Variants in ZBTB7C observed in about 807,000 individuals in gnomAD.
The protein encoded by ZBTB7C is zinc finger and BTB domain-containing protein 7C.
ZBTB7C carries 8 observed loss-of-function variants against 25.7 expected under a neutral mutation model. The observed-to-expected ratio is 0.31, with a 90% CI of 0.18 to 0.56. ZBTB7C has a LOEUF of 0.56. ZBTB7C is among the 20% of genes least tolerant of loss of function. ZBTB7C has a pLI of 0.91. For synonymous variants in ZBTB7C, 394 were observed against 369.0 expected (o/e 1.07, Z -0.78); for missense variants, 824 against 855.2 (o/e 0.96, Z 0.46).
intron 2 of ZBTB7C, among the ~76,000 whole-genome samples, chr18:48,311,252 G>A (rs992131861): frequency 3.9e-5 from 6 of 152,094 alleles, no homozygotes; most frequent in African/African-American, 1.4e-4. Context: ...GCTGCTTGAG[G>A]GCACATGACT....
intron 2 of ZBTB7C, among the ~76,000 whole-genome samples, chr18:48,235,314 C>T (rs2043351396): frequency 2.0e-5 from 3 of 152,068 alleles, no homozygotes; most frequent in African/African-American, 7.2e-5. Flanking sequence ...TTACACACTC[C>T]ATTTCTACGT....
chr18:48,268,958 C>CTTTTTTTT (rs140699441), intron 2 of ZBTB7C, among the ~76,000 whole-genome samples: 10 of 118,998 alleles, frequency 8.4e-5, no homozygotes, highest in Non-Finnish European at 1.2e-4. Context: ...TGCTCTGTTT[C>CTTTTTTTT]TTTTTTTTTT....
chr18:48,079,859 A>G (rs2037915102), intron 3 of ZBTB7C, among the ~76,000 whole-genome samples: 1 of 152,084 alleles, frequency 6.6e-6, no homozygotes. Context: ...TTCCAGGGGG[A>G]CCGAGCACTG....
chr18:48,081,644 C>T (rs1321911467), intron 3 of ZBTB7C, among the ~76,000 whole-genome samples: 1 of 151,952 alleles, frequency 6.6e-6, no homozygotes, highest in Non-Finnish European at 1.5e-5. Context: ...TCCTTCAGTT[C>T]CCAATCCTCA....
intron 3 of ZBTB7C, among the ~76,000 whole-genome samples, chr18:48,127,660 C>T (rs1457398851): frequency 6.6e-6 from 1 of 152,244 alleles, no homozygotes; most frequent in African/African-American, 2.4e-5. Context: ...ACGTGAGGCT[C>T]ACTCGACCTT....
chr18:48,332,402 C>T (rs1003965346), intron 2 of ZBTB7C, among the ~76,000 whole-genome samples: 2 of 152,184 alleles, frequency 1.3e-5, no homozygotes, highest in Non-Finnish European at 2.9e-5. Flanking sequence ...TCCTCCCTTT[C>T]ACATGGCAGC....
At chr18:48,137,328 A>G (rs754347592) in intron 3 of ZBTB7C, 182 of 985,464 alleles carry the variant, frequency 1.8e-4, no homozygotes, top group Admixed American at 1.2e-3. Flanking sequence ...TGGAAAAGGT[A>G]AAGCAGAAAT....
chr18:48,366,521 T>A (rs1029719593), intron 1 of ZBTB7C, among the ~76,000 whole-genome samples: 1 of 152,216 alleles, frequency 6.6e-6, no homozygotes, highest in Non-Finnish European at 1.5e-5. Flanking sequence ...AAAAAATATT[T>A]GCAACATACA....
chr18:48,100,737 G>T (rs556868579), intron 3 of ZBTB7C, among the ~76,000 whole-genome samples: 2 of 152,288 alleles, frequency 1.3e-5, no homozygotes, highest in South Asian at 4.1e-4. Context: ...CTTGTCACAG[G>T]GTTTGGTAAT....
intron 2 of ZBTB7C, among the ~76,000 whole-genome samples, chr18:48,246,867 C>G (rs1436763705): frequency 1.3e-5 from 2 of 152,136 alleles, no homozygotes; most frequent in Non-Finnish European, 2.9e-5. Flanking sequence ...GGACCACAGT[C>G]AGGGCAGGAC....
At chr18:48,212,792 G>C (rs768226931) in intron 2 of ZBTB7C, among the ~76,000 whole-genome samples, 3 of 152,136 alleles carry the variant, frequency 2.0e-5, no homozygotes, top group Admixed American at 6.5e-5. Flanking sequence ...GCCAGACAAG[G>C]GGGGATTGGG....
chr18:48,232,412 G>T (rs1245989936), intron 2 of ZBTB7C, among the ~76,000 whole-genome samples: 1 of 152,104 alleles, frequency 6.6e-6, no homozygotes, highest in East Asian at 1.9e-4. Flanking sequence ...GTCATACTTT[G>T]TTATGGCAGC....
At chr18:48,039,565 G>C (rs1276159987) in intron 4 of ZBTB7C, among the ~76,000 whole-genome samples, 1 of 152,174 alleles carries the variant, frequency 6.6e-6, no homozygotes, top group Admixed American at 6.5e-5. Context: ...ATTCAAACTG[G>C]GTTCCACAAA....
At chr18:48,096,718 T>A (rs1487122227) in intron 3 of ZBTB7C, among the ~76,000 whole-genome samples, 1 of 152,156 alleles carries the variant, frequency 6.6e-6, no homozygotes, top group Non-Finnish European at 1.5e-5. Context: ...AGCTTATGAA[T>A]AAGCATTGTC....
chr18:48,057,063 A>C (rs1011014382), intron 3 of ZBTB7C, among the ~76,000 whole-genome samples: 6 of 151,328 alleles, frequency 4.0e-5, no homozygotes, highest in African/African-American at 1.4e-4. Context: ...AAAAAAAAAA[A>C]AAAAAAACCA....
intron 2 of ZBTB7C, among the ~76,000 whole-genome samples, chr18:48,290,484 C>T (rs935658731): frequency 6.6e-6 from 1 of 152,222 alleles, no homozygotes; most frequent in Admixed American, 6.5e-5. Flanking sequence ...GCAGGCGTGC[C>T]CTGCTCTTTG....
chr18:48,231,126 G>A (rs183323744), intron 2 of ZBTB7C, among the ~76,000 whole-genome samples: 21 of 152,262 alleles, frequency 1.4e-4, no homozygotes, highest in Non-Finnish European at 2.8e-4. Context: ...GTGGATGGCC[G>A]GTTAATGGTA....
chr18:48,403,301 T>G (rs1204569369), intron 1 of ZBTB7C, among the ~76,000 whole-genome samples: 2 of 152,198 alleles, frequency 1.3e-5, no homozygotes, highest in African/African-American at 4.8e-5. Flanking sequence ...GAAGACTCCA[T>G]CTACCTAAGC....
chr18:48,154,752 A>G (rs1271950387), intron 3 of ZBTB7C, among the ~76,000 whole-genome samples: 1 of 152,096 alleles, frequency 6.6e-6, no homozygotes, highest in African/African-American at 2.4e-5. Context: ...CTCACCCTCC[A>G]TCCCAACCTT....
Sources: allele counts gnomAD v4.1 joint callset (sites outside exome capture counted in the v4.1 genomes callset), GRCh38; gene constraint gnomAD v4.1.1; transcripts MANE v1.5; gene names NCBI Gene and HGNC (gene_info 2026-07-23, HGNC 2026-07-21).